Variants in FAS observed in about 807,000 individuals in gnomAD.
The protein encoded by FAS is Fas cell surface death receptor, also known as tumor necrosis factor receptor superfamily member 6.
FAS carries 5 observed loss-of-function variants against 33.2 expected under a neutral mutation model. The ratio of observed to expected loss-of-function variants is 0.15; its 90% CI spans 0.08 to 0.32. The LOEUF is 0.32. FAS is among the 10% of genes least tolerant of loss of function. FAS has a pLI of 1.00. For missense variants in FAS, 339 were observed against 386.0 expected (o/e 0.88, Z 1.02); for synonymous variants, 131 against 130.7 (o/e 1.00, Z -0.01).
chr10:89,014,375 G>C lies in FAS; in HGVS notation c.933G>C (p.Gln311His), dbSNP rs758637512. The C allele has an allele frequency of 6.2e-7, 1 of 1,613,574 alleles. No individual in the cohort carries two copies. Among genetic ancestry groups the C allele is most frequent in the East Asian group, 2.2e-5 (1 of 44,854 alleles). The change falls in exon 9 of 9, where the codon CAG becomes CAC. Residue 311 changes from glutamine to histidine, a missense_variant. This residue lies in a region of FAS where 52 missense variants were observed against 52.7 expected (regional missense o/e 0.99). Coordinates refer to ENST00000652046, the MANE Select transcript of FAS (RefSeq NM_000043.6). ...ANLCTLAEKIQTIILKDITSD... is the reference protein window; with the variant it reads ...ANLCTLAEKIHTIILKDITSD... The stretch of plus-strand genomic sequence containing the variant: ...TTTGTACTCTTGCAGAGAAAATTCA[G>C]ACTATCATCCTCAAGGACATTACTA...
chr10:88,978,147 G>A, intron 2 of FAS, among the ~76,000 whole-genome samples: 1 of 109,036 alleles, frequency 9.2e-6, no homozygotes, highest in African/African-American at 3.5e-5. Flanking sequence ...ACTATCGCAA[G>A]AACAAAAAAC....
chr10:89,015,943 C>T lies in FAS; in HGVS notation c.*1493C>T. 1 of 273,298 alleles carries T rather than the reference C, an allele frequency of 3.7e-6. No homozygotes were observed. Among genetic ancestry groups the T allele is most frequent in the Non-Finnish European group, 7.1e-6 (1 of 141,626 alleles). The allele number at this position is 273,298 out of a possible 1,614,324, so 16.9% of individuals were successfully genotyped here. On this transcript the variant is annotated 3_prime_UTR_variant, in exon 9 of 9. Coordinates refer to ENST00000652046, the MANE Select transcript of FAS (RefSeq NM_000043.6). ...CCTTTTAGTAGTTAAATAATTATTT[C>T]CATAGGTTGCTATTGCCAAGAAGAC...
At chr10:88,999,509 T>G (rs1847810709) in intron 1 of FAS, among the ~76,000 whole-genome samples, 2 of 152,208 alleles carry the variant, frequency 1.3e-5, no homozygotes, top group African/African-American at 4.8e-5. Flanking sequence ...TCAAAAATAC[T>G]CGGTTCAAAT....
chr10:89,001,277 T>TTG (rs1388463623), intron 1 of FAS, among the ~76,000 whole-genome samples: 1 of 140,976 alleles, frequency 7.1e-6, no homozygotes, highest in African/African-American at 2.6e-5. Context: ...TTTTTTTTTT[T>TTG]TGTGCTTCTT....
At chr10:89,000,890 T>C (rs541143997) in intron 1 of FAS, among the ~76,000 whole-genome samples, 6 of 138,192 alleles carry the variant, frequency 4.3e-5, no homozygotes, top group Admixed American at 1.5e-4. Context: ...CTACTAAAAA[T>C]ACAAAAAATT....
At chr10:88,991,213 G>A (rs934859289) in intron 1 of FAS, 1 of 546,480 alleles carries the variant, frequency 1.8e-6, no homozygotes, top group African/African-American at 1.9e-5. Context: ...CCACGTTGAG[G>A]TGGGCGTGGG....
In FAS at chr10:88,990,798, C is replaced by T. The variant is rs1847127982; in HGVS notation, c.-79C>T. On this transcript the variant is annotated 5_prime_UTR_variant, in exon 1 of 9. Transcript: ENST00000652046. The surrounding 1 kb of genome is among the most constrained non-coding windows in gnomAD (Gnocchi z 4.9). ...GCCCTGGCTGCCCAGGCGGAGCTGCCTCTTCTCCCGCGGGTTGGTGGACCC... is the reference window on the plus strand; with the variant it reads ...GCCCTGGCTGCCCAGGCGGAGCTGCTTCTTCTCCCGCGGGTTGGTGGACCC... 3 of 1,598,392 alleles carry T rather than the reference C, an allele frequency of 1.9e-6. No individual in the cohort carries two copies. Among genetic ancestry groups the T allele is most frequent in the Non-Finnish European group, 1.7e-6 (2 of 1,166,110 alleles).
intron 2 of FAS, among the ~76,000 whole-genome samples, chr10:89,003,620 T>C (rs1468945148): frequency 6.6e-6 from 1 of 152,216 alleles, no homozygotes; most frequent in Non-Finnish European, 1.5e-5. Flanking sequence ...AAGAAAGCTG[T>C]CCTGGCACTG....
In FAS at chr10:88,966,998, G is replaced by C. The variant is rs1165794404; in HGVS notation, n.95-6184G>C. 3.9e-5 allele frequency among the ~76,000 whole-genome samples: 6 copies of C among 152,178 alleles called. No homozygotes were observed. In the South Asian group the frequency reaches 6.2e-4, roughly 16 times the overall value. On this transcript the variant is annotated intron_variant and non_coding_transcript_variant, in intron 1 of 3. Transcript: ENST00000688239. ...GGCTCAAACAGCGCCAAGAGGGCAG[G>C]CTGTGTGCCAAGATCAGCCTGGGAG... is the stretch of plus-strand genomic sequence containing the variant.
At chr10:88,985,414 A>G (rs1424753458), upstream of FAS, among the ~76,000 whole-genome samples, 1 of 152,192 alleles carries the variant, frequency 6.6e-6, no homozygotes, top group African/African-American at 2.4e-5. Context: ...TGTTAATACC[A>G]CTATTGTATT....
chr10:89,015,469 T>C lies in FAS; in HGVS notation c.*1019T>C, dbSNP rs1010031691. ...TGTCCCATGTAAAACCTGCTACAAA[T>C]GGCAGCTTATACATAGCAATGGTAA... On this transcript the variant is annotated 3_prime_UTR_variant, in exon 9 of 9. Transcript: ENST00000652046. 1.9e-6 allele frequency: 1 copy of C among 534,276 alleles called. No homozygotes were observed. Among genetic ancestry groups the C allele is most frequent in the South Asian group, 1.5e-5 (1 of 65,116 alleles). The allele number at this position is 534,276 out of a possible 1,614,324, so 33.1% of individuals were successfully genotyped here.
chr10:88,981,620 A>G (rs968675747), intron 2 of FAS, among the ~76,000 whole-genome samples: 1 of 152,152 alleles, frequency 6.6e-6, no homozygotes, highest in Non-Finnish European at 1.5e-5. Context: ...TAACAGTACC[A>G]CAAGCAGTGG....
At chr10:88,979,410 G>T (rs1456481745) in intron 2 of FAS, among the ~76,000 whole-genome samples, 1 of 152,156 alleles carries the variant, frequency 6.6e-6, no homozygotes, top group Non-Finnish European at 1.5e-5. Flanking sequence ...AGGAGAAGAT[G>T]CCAGCATTCA....
At chr10:88,974,468 G>A (rs1054856806) in intron 2 of FAS, 2 of 152,150 alleles carry the variant, frequency 1.3e-5, no homozygotes, top group Non-Finnish European at 2.9e-5. Flanking sequence ...TTAAATGTTG[G>A]TGGTCTTTTA....
chr10:88,983,513 G>A (rs1204736517), upstream of FAS, among the ~76,000 whole-genome samples: 1 of 147,720 alleles, frequency 6.8e-6, no homozygotes, highest in Non-Finnish European at 1.5e-5. Flanking sequence ...GTGTGACTTT[G>A]GGCAAGTCTT....
At chr10:88,964,545 A>G (rs1418294221) in intron 1 of FAS, among the ~76,000 whole-genome samples, 1 of 152,188 alleles carries the variant, frequency 6.6e-6, no homozygotes, top group African/African-American at 2.4e-5. Flanking sequence ...GCCTAAGGTC[A>G]TCCCTGGTGA....
chr10:88,988,443 T>TTTTTTTTTTTTTTTTTTTTTTTTTTA (rs1554846019), upstream of FAS, among the ~76,000 whole-genome samples: 1 of 142,368 alleles, frequency 7.0e-6, no homozygotes, highest in African/African-American at 2.6e-5. Context: ...TTTTGTTTTT[T>TTTTTTTTTTTTTTTTTTTTTTTTTTA]ATCTTAACTC....
At chr10:88,983,021 T>C (rs1446284370), upstream of FAS, among the ~76,000 whole-genome samples, 4 of 152,164 alleles carry the variant, frequency 2.6e-5, no homozygotes, top group Non-Finnish European at 4.4e-5. Flanking sequence ...TGGTGAGAAA[T>C]TCATAACCTC....
chr10:89,010,067 G>A (rs924194768), intron 4 of FAS, among the ~76,000 whole-genome samples: 7 of 151,936 alleles, frequency 4.6e-5, no homozygotes, highest in African/African-American at 1.7e-4. Context: ...ATCACCACCG[G>A]TTGCTAAAAG....
Sources: allele counts gnomAD v4.1 joint callset (sites outside exome capture counted in the v4.1 genomes callset), GRCh38; gene constraint gnomAD v4.1.1; regional missense constraint gnomAD v4.1.1; non-coding constraint Gnocchi (gnomAD v3.1); transcripts MANE v1.5; gene names NCBI Gene and HGNC (gene_info 2026-07-23, HGNC 2026-07-21).